The following SNRPC variants were observed in gnomAD, a reference collection of about 807,000 sequenced individuals.
SNRPC encodes the protein small nuclear ribonucleoprotein polypeptide C, also known as U1 small nuclear ribonucleoprotein C.
In SNRPC, 5 loss-of-function variants were observed where a neutral mutation model predicts 20.0. That is an observed-to-expected ratio of 0.25 (90% confidence interval 0.13 to 0.53). The LOEUF is 0.53. Ranked by LOEUF, SNRPC falls within the 20% of genes least tolerant of loss-of-function variation. The pLI, the probability that SNRPC is intolerant of heterozygous loss-of-function variation, is 0.96. For missense variants in SNRPC, 112 were observed against 224.1 expected, an observed-to-expected ratio of 0.50 and a Z score of 3.19; for synonymous variants, 61 against 58.7, an observed-to-expected ratio of 1.04 and a Z score of -0.18.
Position 34,773,674 on chromosome 6 carries a change from A to T in SNRPC, c.*104A>T, listed in dbSNP as rs1417436268. The T allele has an allele frequency of 9.9e-7, 1 of 1,013,562 alleles. No homozygotes were observed. The highest frequency in any genetic ancestry group is 1.5e-6 in the Non-Finnish European group (1 of 686,242). The allele number at this position is 1,013,562 out of a possible 1,614,324, so 62.8% of individuals were successfully genotyped here. ...GAGTTTTCTAAACAGCATAAGGAAG[A>T]CTTGCTCCCCTGTCCTATGAAAGAG... On this transcript the variant is annotated 3_prime_UTR_variant, in exon 6 of 6. Coordinates refer to ENST00000244520, the MANE Select transcript of SNRPC (RefSeq NM_003093.3). This position sits in a 1 kb window ranked among gnomAD's most constrained non-coding sequence, Gnocchi z 4.1.
intron 2 of SNRPC, among the ~76,000 whole-genome samples, chr6:34,761,513 ATTT>A (rs869059984): frequency 0.17 from 14,292 of 85,624 alleles, 545 homozygotes; most frequent in East Asian, 0.36. Flanking sequence ...ACAAGGAACA[ATTT>A]TTTTTTTTTT....
intron 3 of SNRPC, among the ~76,000 whole-genome samples, chr6:34,767,595 C>T (rs905026510): frequency 6.6e-6 from 1 of 152,166 alleles, no homozygotes; most frequent in African/African-American, 2.4e-5. Context: ...ACATGGGTGA[C>T]AGTGAGACTC....
intron 1 of SNRPC, 169 bp from the exon 2 acceptor site, chr6:34,757,743 C>CA (rs982731604): frequency 5.5e-5 from 84 of 1,521,176 alleles, no homozygotes; most frequent in Middle Eastern, 1.7e-4. Flanking sequence ...CTTAAGGCAA[C>CA]AAAAAAAAGC....
intron 1 of SNRPC, 31 bp from the exon 2 acceptor site, chr6:34,757,881 G>A (rs28398813): frequency 3.7e-5 from 59 of 1,612,622 alleles, no homozygotes; most frequent in Middle Eastern, 1.7e-4. Flanking sequence ...AGTGGTTGTC[G>A]TCTTTTTCTC....
intron 4 of SNRPC, among the ~76,000 whole-genome samples, chr6:34,769,229 CTTTTT>C (rs11408407): frequency 1.5e-5 from 2 of 129,130 alleles, no homozygotes; most frequent in African/African-American, 3.0e-5. Flanking sequence ...TTCTTTCTTT[CTTTTT>C]TTTTTTTTTT....
At chr6:34,765,380 C>A (rs1312786902) in intron 3 of SNRPC, among the ~76,000 whole-genome samples, 3 of 152,030 alleles carry the variant, frequency 2.0e-5, no homozygotes, top group Non-Finnish European at 4.4e-5. Flanking sequence ...ATGGAGCAAA[C>A]CTCAGACATT....
intron 3 of SNRPC, among the ~76,000 whole-genome samples, chr6:34,766,626 G>A (rs532309366): frequency 1.3e-5 from 2 of 152,220 alleles, no homozygotes; most frequent in Non-Finnish European, 2.9e-5. Flanking sequence ...TTGACATAGA[G>A]CCTGCTACTA....
rs80320130 is a variant in SNRPC at position 34,759,111 on chromosome 6, T to C, written c.51+1157T>C. 8.4e-3 allele frequency among the ~76,000 whole-genome samples: 1,279 copies of C among 152,098 alleles called. 18 individuals are homozygous for C. The highest frequency in any genetic ancestry group is 0.027 in the African/African-American group (1,115 of 41,532). ...GAACCACCTTTAAGTATTGGGAAGC[T>C]GTCAAGCTTATGGTGGCAAATAATA... On this transcript the variant is annotated intron_variant, in intron 2 of 5. Transcript: ENST00000244520.
intron 1 of SNRPC, 76 bp from the exon 2 acceptor site, chr6:34,757,836 C>T (rs573933076): frequency 1.2e-6 from 2 of 1,609,290 alleles, no homozygotes; most frequent in African/African-American, 2.7e-5. Context: ...TTGTTTTTAT[C>T]TTCCATGAAC....
rs892681631 is a variant in SNRPC at position 34,759,946 on chromosome 6, A to G, written c.51+1992A>G. On this transcript the variant is annotated intron_variant, in intron 2 of 5. Coordinates refer to ENST00000244520, the MANE Select transcript of SNRPC (RefSeq NM_003093.3). ...CTGGTCTAAATTATGATTCTTGATC[A>G]TCTTGAATAGTAGCTGGAAGAAACT... Among the ~76,000 whole-genome samples, 41 of 152,106 alleles carry G rather than the reference A, an allele frequency of 2.7e-4. 1 individual carries two copies. The highest frequency in any genetic ancestry group is 9.9e-4 in the African/African-American group (41 of 41,426).
rs1249870720 is a variant in SNRPC, at chr6:34,757,539, G to A, written c.-5G>A. The A allele has an allele frequency of 1.9e-6, 3 of 1,613,564 alleles. No homozygotes were observed. The highest frequency in any genetic ancestry group is 1.3e-5 in the African/African-American group (1 of 74,908). ...AACGGAGTGGCCAACGGCCTGCAGA[G>A]CAACATGCCCAAGTGAGTGGGGCCC... is the stretch of plus-strand genomic sequence containing the variant. On this transcript the variant is annotated 5_prime_UTR_variant, in exon 1 of 6. Transcript: ENST00000244520.
intron 3 of SNRPC, among the ~76,000 whole-genome samples, chr6:34,765,444 A>T (rs985999858): frequency 4.1e-5 from 6 of 145,606 alleles, no homozygotes; most frequent in East Asian, 2.4e-4. Flanking sequence ...TATTTATTTT[A>T]TTTATTTATT....
chr6:34,773,495 G>T lies in SNRPC; in HGVS notation c.405G>T (p.Gly135=), dbSNP rs768857104. The T allele has an allele frequency of 2.5e-6, 4 of 1,613,588 alleles. No individual in the cohort carries two copies. In the Admixed American group the frequency reaches 5.0e-5, roughly 20 times the overall value. Residue 135 remains glycine, a synonymous_variant, in exon 6 of 6, where the codon GGG becomes GGT. Coordinates refer to ENST00000244520, the MANE Select transcript of SNRPC (RefSeq NM_003093.3). This position sits in a 1 kb window ranked among gnomAD's most constrained non-coding sequence, Gnocchi z 4.1. The part of the protein sequence containing the change: ...PMGGHMPMMP[G]PPMMRPPARP... ...GAGGCCATATGCCAATGATGCCTGG[G>T]CCCCCAATGATGAGACCTCCTGCCC...
rs1420291502 is a variant in SNRPC, at chr6:34,757,621, C to T, written c.8+70C>T. The T allele has an allele frequency of 2.2e-5, 34 of 1,536,914 alleles. No individual in the cohort carries two copies. In the Admixed American group the frequency reaches 5.6e-4, roughly 25 times the overall value. ...GTGGCCCCCATGCAGGAGCGGAGAG[C>T]GGGTTCTGGTTTCTGAAACCTCGAG... On this transcript the variant is annotated intron_variant, in intron 1 of 5. Coordinates refer to ENST00000244520, the MANE Select transcript of SNRPC (RefSeq NM_003093.3).
intron 2 of SNRPC, among the ~76,000 whole-genome samples, chr6:34,759,494 T>C (rs1407906313): frequency 2.6e-5 from 4 of 152,256 alleles, no homozygotes; most frequent in African/African-American, 4.8e-5. Flanking sequence ...TTGTCTATAC[T>C]TCCCATTTTG....
intron 2 of SNRPC, among the ~76,000 whole-genome samples, chr6:34,761,532 T>G (rs1419872569): frequency 2.1e-5 from 3 of 145,086 alleles, no homozygotes. Context: ...TTTTTTTTTT[T>G]TTTTTTGTGA....
chr6:34,763,999 G>C (rs1281845790), intron 3 of SNRPC, among the ~76,000 whole-genome samples: 2 of 151,102 alleles, frequency 1.3e-5, no homozygotes, highest in African/African-American at 4.8e-5. Flanking sequence ...ACAGGCGTGA[G>C]CCACCATGCC....
intron 1 of SNRPC, 180 bp from the exon 2 acceptor site, chr6:34,757,732 G>A (rs951288448): frequency 1.9e-5 from 28 of 1,500,432 alleles, no homozygotes; most frequent in Middle Eastern, 1.7e-4. Flanking sequence ...GATGGATCCC[G>A]CTTAAGGCAA....
In SNRPC at chr6:34,757,899, C is replaced by CTGAAAGAGGTG; in HGVS notation, c.9-13_9-12insTGAAAGAGGTG. 1 of 1,613,560 alleles carries CTGAAAGAGGTG rather than the reference C, an allele frequency of 6.2e-7. No homozygotes were observed. Reference sequence around the variant, plus strand: ...GGTTGTCGTCTTTTTCTCTTCCTTTCACCTCTTTTCAGGTTTTATTGTGAC... The same window carrying CTGAAAGAGGTG: ...GGTTGTCGTCTTTTTCTCTTCCTTTCTGAAAGAGGTGACCTCTTTTCAGGTTTTATTGTGAC... On this transcript the variant is annotated splice_polypyrimidine_tract_variant and intron_variant, in intron 1 of 5. Coordinates refer to ENST00000244520, the MANE Select transcript of SNRPC (RefSeq NM_003093.3).
Sources: allele counts gnomAD v4.1 joint callset (sites outside exome capture counted in the v4.1 genomes callset), GRCh38; gene constraint gnomAD v4.1.1; non-coding constraint Gnocchi (gnomAD v3.1); transcripts MANE v1.5; gene names NCBI Gene and HGNC (gene_info 2026-07-23, HGNC 2026-07-21).